The following B2M variants were observed in gnomAD, a reference collection of about 807,000 sequenced individuals.
B2M encodes beta chain of MHC class I molecules.
A neutral mutation model predicts 14.5 loss-of-function variants in B2M; 3 were observed. The ratio of observed to expected loss-of-function variants is 0.21; its 90% CI spans 0.09 to 0.53. The LOEUF is 0.53. B2M is among the 20% of genes least tolerant of loss of function. The pLI is 0.95. For synonymous variants in B2M, 45 were observed against 52.7 expected, an observed-to-expected ratio of 0.85 and a Z score of 0.64; for missense variants, 107 against 140.8, an observed-to-expected ratio of 0.76 and a Z score of 1.21.
rs1019818197 is a variant in B2M at position 44,713,174 on chromosome 15, C to CT, written c.67+1565dup. On this transcript the variant is annotated intron_variant, in intron 1 of 3. Transcript: ENST00000648006. ...CTGGCAATACACTAAGCGCGCTCACCTTTTCCTCTGGCAAAACATGATCGA... is the reference window on the plus strand; with the variant it reads ...CTGGCAATACACTAAGCGCGCTCACCTTTTTCCTCTGGCAAAACATGATCGA... 63 of 152,220 alleles carry CT rather than the reference C, an allele frequency of 4.1e-4. 1 individual carries two copies. Among genetic ancestry groups the CT allele is most frequent in the African/African-American group, 1.5e-3 (62 of 41,540 alleles). 9.4% of individuals were successfully genotyped at this position (152,220 alleles called of 1,614,324 possible).
intron 2 of B2M, 95 bp from the exon 3 acceptor site, chr15:44,716,234 C>A: frequency 6.9e-7 from 1 of 1,439,484 alleles, no homozygotes; most frequent in Non-Finnish European, 9.7e-7. Flanking sequence ...TTCTGCCAGC[C>A]TTATTTCTAA....
chr15:44,714,965 C>A, intron 1 of B2M: 6 of 232,986 alleles, frequency 2.6e-5, no homozygotes, highest in Admixed American at 5.2e-5. Context: ...AAACAGAGTA[C>A]AATAACATGA....
At chr15:44,717,342 T>A (rs1290195114) in intron 3 of B2M, 2 of 152,208 alleles carry the variant, frequency 1.3e-5, no homozygotes, top group African/African-American at 4.8e-5. Context: ...AGTAAAAATA[T>A]GCTATTTTAA....
At chr15:44,715,809 T>A in intron 2 of B2M, 108 bp downstream of exon 2, 5 of 1,207,870 alleles carry the variant, frequency 4.1e-6, no homozygotes, top group Non-Finnish European at 6.0e-6. Context: ...CCTGAATGAG[T>A]CCCATCCCAT....
intron 2 of B2M, 71 bp downstream of exon 2, chr15:44,715,772 T>C: frequency 3.8e-6 from 6 of 1,584,734 alleles, no homozygotes; most frequent in Non-Finnish European, 5.2e-6. Flanking sequence ...GCTGCTTTGA[T>C]ATAAAAAAGG....
At chr15:44,711,914 C>G (rs2086875280) in intron 1 of B2M, 1 of 557,160 alleles carries the variant, frequency 1.8e-6, no homozygotes, top group South Asian at 2.0e-5. Context: ...GTCAGAGCGC[C>G]GAGGTTGGGG....
intron 1 of B2M, 53 bp from the exon 2 acceptor site, chr15:44,715,370 C>T (rs532353142): frequency 2.3e-5 from 37 of 1,578,762 alleles, no homozygotes; most frequent in Non-Finnish European, 3.1e-5. Flanking sequence ...CCAAGTTAGC[C>T]CCAAGTGAAA....
At chr15:44,716,129 C>CT in intron 2 of B2M, 200 bp from the exon 3 acceptor site, 1 of 645,762 alleles carries the variant, frequency 1.5e-6, no homozygotes, top group Non-Finnish European at 2.7e-6. Context: ...TTCTCCAGTA[C>CT]TTTCTGGCTG....
chr15:44,712,029 A>C, intron 1 of B2M: 1 of 322,530 alleles, frequency 3.1e-6, no homozygotes. Context: ...AGGTTTGTGA[A>C]CGCGTGGAGG....
chr15:44,711,563 C>T lies in B2M; in HGVS notation c.17C>T (p.Ala6Val), dbSNP rs1162424693. 14 of 1,613,772 alleles carry T rather than the reference C, an allele frequency of 8.7e-6. No individual in the cohort carries two copies. Among genetic ancestry groups the T allele is most frequent in the Non-Finnish European group, 1.2e-5 (14 of 1,180,004 alleles). ...CGGGCCGAGATGTCTCGCTCCGTGG[C>T]CTTAGCTGTGCTCGCGCTACTCTCT... MSRSV[A>V]LAVLALLSLS... The change falls in exon 1 of 4, where the codon GCC becomes GTC. Residue 6 changes from alanine to valine, a missense_variant. Transcript: ENST00000648006.
chr15:44,717,746 T>C lies in B2M; in HGVS notation c.*154T>C, dbSNP rs2141290419. The C allele has an allele frequency of 6.6e-6, 1 of 152,378 alleles. No homozygotes were observed. The highest frequency in any genetic ancestry group is 2.4e-5 in the African/African-American group (1 of 41,574). 9.4% of individuals were successfully genotyped at this position (152,378 alleles called of 1,614,324 possible). A position where few individuals can be genotyped will look rare whatever the true frequency, so the allele number is the denominator to read the frequency against. Reference sequence around the variant, plus strand: ...GTTAACATGGACATGATCTTCTTTATAATTCTACTTTGAGTGCTGTCTCCA... The same window carrying C: ...GTTAACATGGACATGATCTTCTTTACAATTCTACTTTGAGTGCTGTCTCCA... On this transcript the variant is annotated 3_prime_UTR_variant, in exon 4 of 4. Coordinates refer to ENST00000648006, the MANE Select transcript of B2M (RefSeq NM_004048.4).
In B2M at chr15:44,715,720, T is replaced by C. The variant is rs867419018; in HGVS notation, c.346+19T>C. 1 of 1,613,984 alleles carries C rather than the reference T, an allele frequency of 6.2e-7. No individual in the cohort carries two copies. Among genetic ancestry groups the C allele is most frequent in the Non-Finnish European group, 8.5e-7 (1 of 1,179,950 alleles). ...AAGTGGGGTAAGTCTTACATTCTTT[T>C]GTAAGCTGCTGAAAGTTGTGTATGA... is the stretch of plus-strand genomic sequence containing the variant. On this transcript the variant is annotated intron_variant, in intron 2 of 3. Coordinates refer to ENST00000648006, the MANE Select transcript of B2M (RefSeq NM_004048.4).
intron 1 of B2M, 200 bp from the exon 2 acceptor site, chr15:44,715,223 G>T: frequency 1.5e-6 from 1 of 652,234 alleles, no homozygotes; most frequent in Non-Finnish European, 2.7e-6. Flanking sequence ...ATGAGGGAAA[G>T]ATACCAAGTC....
rs370408909 is a variant in B2M at position 44,715,724 on chromosome 15, A to G, written c.346+23A>G. The G allele has an allele frequency of 1.9e-5, 31 of 1,613,758 alleles. No homozygotes were observed. In the African/African-American group the frequency reaches 3.6e-4, roughly 19 times the overall value. On this transcript the variant is annotated intron_variant, in intron 2 of 3. Transcript: ENST00000648006. ...GGGGTAAGTCTTACATTCTTTTGTA[A>G]GCTGCTGAAAGTTGTGTATGAGTAG...
At position 44,715,492 on chromosome 15, in the gene B2M, A is replaced by G. The variant is rs1435502075; in HGVS notation, c.137A>G (p.Tyr46Cys). The change falls in exon 2 of 4, where the codon TAT becomes TGT. Residue 46 changes from tyrosine (Y) to cysteine (C), a missense_variant. By Grantham distance (194) the Tyr-to-Cys change is radical (BLOSUM62 -2). Coordinates refer to ENST00000648006, the MANE Select transcript of B2M (RefSeq NM_004048.4). ...GGAAAGTCAAATTTCCTGAATTGCTATGTGTCTGGGTTTCATCCATCCGAC... is the reference window on the plus strand; with the variant it reads ...GGAAAGTCAAATTTCCTGAATTGCTGTGTGTCTGGGTTTCATCCATCCGAC... ...ENGKSNFLNC[Y>C]VSGFHPSDIE... 1 of 1,614,150 alleles carries G rather than the reference A, an allele frequency of 6.2e-7. No individual in the cohort carries two copies. The highest frequency in any genetic ancestry group is 8.5e-7 in the Non-Finnish European group (1 of 1,179,996).
At chr15:44,716,189 T>C (rs1252382712) in intron 2 of B2M, 140 bp from the exon 3 acceptor site, 2 of 991,300 alleles carry the variant, frequency 2.0e-6, no homozygotes, top group African/African-American at 1.6e-5. Flanking sequence ...TGGGTAGCTC[T>C]AAACAATGTA....
chr15:44,714,135 G>C (rs1425799502), intron 1 of B2M: 1 of 152,116 alleles, frequency 6.6e-6, no homozygotes, highest in Non-Finnish European at 1.5e-5. Flanking sequence ...TACTGTTTCT[G>C]AAACATTAGG....
intron 1 of B2M, chr15:44,715,134 G>T (rs1294637259): frequency 5.0e-5 from 24 of 483,290 alleles, no homozygotes; most frequent in Non-Finnish European, 6.0e-5. Flanking sequence ...TCTTAAAAAT[G>T]CAGCGCAATC....
At chr15:44,717,434 G>A (rs747198992) in intron 3 of B2M, 173 bp from the exon 4 acceptor site, 4 of 152,114 alleles carry the variant, frequency 2.6e-5, no homozygotes, top group Non-Finnish European at 5.9e-5. Flanking sequence ...GATTTTGGGA[G>A]CACCAAAGGG....
Sources: gnomAD v4.1 joint callset for allele counts on GRCh38, gnomAD v4.1.1 for gene constraint, MANE v1.5 for transcripts, NCBI Gene and HGNC (gene_info 2026-07-23, HGNC 2026-07-21) for gene names.